Variants in DSCAM observed in about 807,000 individuals in gnomAD.
The protein encoded by DSCAM is cell adhesion molecule DSCAM.
In DSCAM, 47 loss-of-function variants were observed where a neutral mutation model predicts 217.7. The observed-to-expected ratio is 0.22, with a 90% CI of 0.17 to 0.28. The LOEUF (loss-of-function observed/expected upper bound fraction) is 0.28. Among genes scored for constraint, DSCAM ranks in the 10% least tolerant of loss-of-function variants. The probability of loss-of-function intolerance (pLI) is 1.00; values close to 1 mark genes in which losing one functional copy is unlikely to be tolerated. For synonymous variants in DSCAM, 1,056 were observed against 1,015.3 expected, an observed-to-expected ratio of 1.04 and a Z score of -0.76; for missense variants, 2,080 against 2,618.3, an observed-to-expected ratio of 0.79 and a Z score of 4.49.
chr21:40,817,915 T>C (rs1290501069), intron 1 of DSCAM, among the ~76,000 whole-genome samples: 1 of 149,330 alleles, frequency 6.7e-6, no homozygotes, highest in Non-Finnish European at 1.5e-5. Context: ...GCTAACAAGG[T>C]GAAACCCCGT....
At chr21:40,228,534 A>G (rs1032536599) in intron 11 of DSCAM, among the ~76,000 whole-genome samples, 1 of 152,088 alleles carries the variant, frequency 6.6e-6, no homozygotes, top group African/African-American at 2.4e-5. Flanking sequence ...TGCTCAAATG[A>G]TTCCAGATTT....
chr21:40,780,593 G>A (rs1168459154), intron 1 of DSCAM, among the ~76,000 whole-genome samples: 1 of 151,792 alleles, frequency 6.6e-6, no homozygotes, highest in Non-Finnish European at 1.5e-5. Flanking sequence ...GACTGTGTTT[G>A]GAGATAGGGT....
intron 3 of DSCAM, among the ~76,000 whole-genome samples, chr21:40,670,282 C>A (rs1393962146): frequency 6.6e-6 from 1 of 152,126 alleles, no homozygotes; most frequent in East Asian, 1.9e-4. Context: ...TCCTTCCAGC[C>A]CCTGGTAACC....
rs141793645 is a variant in DSCAM at position 40,111,670 on chromosome 21, C to G, written c.3696+12525G>C. Among the ~76,000 whole-genome samples, 1,421 of 152,224 alleles carry G rather than the reference C, an allele frequency of 9.3e-3. 22 individuals carry two copies. The highest frequency in any genetic ancestry group is 0.033 in the African/African-American group (1,368 of 41,550). The stretch of plus-strand genomic sequence containing the variant: ...ATCAGTGTGCTGTATTCAGGAAACC[C>G]ATCTCACATGCAGAGACACATATAG... On this transcript the variant is annotated intron_variant, in intron 20 of 32. Coordinates refer to ENST00000400454, the MANE Select transcript of DSCAM (RefSeq NM_001389.5).
chr21:40,734,987 G>A (rs1392307821), intron 1 of DSCAM, among the ~76,000 whole-genome samples: 3 of 152,212 alleles, frequency 2.0e-5, no homozygotes, highest in African/African-American at 7.2e-5. Context: ...AAACAGAAAT[G>A]CTGGTTGGTT....
At chr21:40,382,228 C>G (rs1416667160) in intron 3 of DSCAM, among the ~76,000 whole-genome samples, 1 of 152,118 alleles carries the variant, frequency 6.6e-6, no homozygotes, top group Non-Finnish European at 1.5e-5. Flanking sequence ...AGTTCTTATT[C>G]CTGGTAGGGG....
chr21:40,844,473 A>G (rs1016843233), intron 1 of DSCAM, among the ~76,000 whole-genome samples: 5 of 152,206 alleles, frequency 3.3e-5, no homozygotes, highest in African/African-American at 1.2e-4. Flanking sequence ...TAAAATATTC[A>G]TTTGTGTTTG....
At chr21:40,731,146 A>C (rs116176896) in intron 1 of DSCAM, among the ~76,000 whole-genome samples, 1 of 152,332 alleles carries the variant, frequency 6.6e-6, no homozygotes, top group African/African-American at 2.4e-5. Flanking sequence ...GACTGTTCTG[A>C]AGAAGTATTT....
intron 2 of DSCAM, among the ~76,000 whole-genome samples, chr21:40,694,908 C>A (rs904894379): frequency 6.6e-6 from 1 of 152,088 alleles, no homozygotes; most frequent in African/African-American, 2.4e-5. Context: ...TGGTGAGAAT[C>A]TGGGCATGGT....
intron 1 of DSCAM, among the ~76,000 whole-genome samples, chr21:40,830,633 C>G (rs1450026113): frequency 6.6e-6 from 1 of 152,142 alleles, no homozygotes; most frequent in Non-Finnish European, 1.5e-5. Context: ...TATGCCTTCT[C>G]TAGGAAAGGC....
intron 19 of DSCAM, among the ~76,000 whole-genome samples, chr21:40,127,072 T>TAAATG: frequency 6.6e-6 from 1 of 152,338 alleles, no homozygotes. Context: ...TAATAATCTT[T>TAAATG]AGTTCCCTCA....
At chr21:40,388,953 G>A (rs934077292) in intron 3 of DSCAM, among the ~76,000 whole-genome samples, 20 of 152,134 alleles carry the variant, frequency 1.3e-4, no homozygotes, top group Admixed American at 8.5e-4. Flanking sequence ...TAAATGTAGT[G>A]TACAGTGTAA....
chr21:40,546,865 T>C (rs1382695964), intron 3 of DSCAM, among the ~76,000 whole-genome samples: 1 of 152,076 alleles, frequency 6.6e-6, no homozygotes, highest in Non-Finnish European at 1.5e-5. Context: ...ACACTTCCCC[T>C]TTTCAGGAGA....
intron 3 of DSCAM, among the ~76,000 whole-genome samples, chr21:40,548,278 C>A (rs2076599934): frequency 1.3e-5 from 2 of 152,130 alleles, no homozygotes; most frequent in South Asian, 4.1e-4. Flanking sequence ...GGGCTGCCTT[C>A]AGAGTTTAAT....
chr21:40,534,315 G>C (rs1322408958), intron 3 of DSCAM, among the ~76,000 whole-genome samples: 2 of 152,080 alleles, frequency 1.3e-5, no homozygotes, highest in Admixed American at 1.3e-4. Context: ...TTATATTCTT[G>C]GATATTAATT....
chr21:40,724,682 A>AC (rs2146513570), intron 1 of DSCAM, among the ~76,000 whole-genome samples: 1 of 152,344 alleles, frequency 6.6e-6, no homozygotes, highest in African/African-American at 2.4e-5. Context: ...ACTGACTGGT[A>AC]CCTCAGCATA....
intron 5 of DSCAM, among the ~76,000 whole-genome samples, chr21:40,352,095 C>T (rs2074637234): frequency 6.6e-6 from 1 of 152,266 alleles, no homozygotes; most frequent in South Asian, 2.1e-4. Flanking sequence ...TGACCTTGCA[C>T]AGTAGGATGT....
chr21:40,782,754 T>TA (rs147111604), intron 1 of DSCAM, among the ~76,000 whole-genome samples: 76 of 151,604 alleles, frequency 5.0e-4, no homozygotes, highest in African/African-American at 1.3e-3. Flanking sequence ...ATAAAATAAA[T>TA]AAAAAAAAAT....
intron 8 of DSCAM, among the ~76,000 whole-genome samples, chr21:40,315,523 A>G (rs1010494389): frequency 2.0e-5 from 3 of 152,246 alleles, no homozygotes; most frequent in African/African-American, 7.2e-5. Context: ...CAAATTTTCA[A>G]GAACAGAAGT....
Sources: gnomAD v4.1 joint callset for allele counts (sites outside exome capture counted in the v4.1 genomes callset) on GRCh38, gnomAD v4.1.1 for gene constraint, MANE v1.5 for transcripts, NCBI Gene and HGNC (gene_info 2026-07-23, HGNC 2026-07-21) for gene names.